PSMA1: variants seen among roughly 807,000 people sequenced by gnomAD.
PSMA1 encodes the protein proteasome subunit alpha type-1.
PSMA1 carries 3 observed loss-of-function variants against 38.4 expected under a neutral mutation model. That is an observed-to-expected ratio of 0.08 (90% CI 0.04 to 0.20). PSMA1 has a LOEUF of 0.20. PSMA1 is among the 10% of genes least tolerant of loss of function. PSMA1 has a pLI of 1.00. For synonymous variants in PSMA1, 101 were observed against 107.1 expected, an observed-to-expected ratio of 0.94 and a Z score of 0.35; for missense variants, 227 against 325.3, an observed-to-expected ratio of 0.70 and a Z score of 2.32.
exon 2 of PSMA1, chr11:14,611,016 A>T: frequency 6.2e-7 from 1 of 1,606,488 alleles, no homozygotes; most frequent in Non-Finnish European, 8.5e-7. Flanking sequence ...CACCTAGTAG[A>T]CCAACATACA....
intron 2 of PSMA1, among the ~76,000 whole-genome samples, chr11:14,578,573 G>A (rs1852247153): frequency 6.6e-6 from 1 of 152,214 alleles, no homozygotes; most frequent in Non-Finnish European, 1.5e-5. Context: ...TCTACTATAA[G>A]AAGAAAGCAG....
chr11:14,505,028 G>A lies in PSMA1; in HGVS notation c.*164C>T, dbSNP rs571607769. On this transcript the variant is annotated 3_prime_UTR_variant, in exon 10 of 10. Transcript: ENST00000396394. Reference sequence around the variant, plus strand: ...AAGAAAAATGTATTCCATTATATAGGTTTCAGTGAGGTTGCTTGGAAAAAA... The same window carrying A: ...AAGAAAAATGTATTCCATTATATAGATTTCAGTGAGGTTGCTTGGAAAAAA... The A allele has an allele frequency of 7.3e-5, 49 of 667,610 alleles. No individual in the cohort carries two copies. In the South Asian group the frequency reaches 7.6e-4, roughly 10 times the overall value. 41.4% of individuals were successfully genotyped at this position (667,610 alleles called of 1,614,324 possible). A position where few individuals can be genotyped will look rare whatever the true frequency, so the allele number is the denominator to read the frequency against.
At chr11:14,524,384 C>T (rs1433217291), upstream of PSMA1, among the ~76,000 whole-genome samples, 2 of 152,102 alleles carry the variant, frequency 1.3e-5, no homozygotes, top group African/African-American at 4.8e-5. Flanking sequence ...TGACGAAGTT[C>T]CACCATTGAT....
At chr11:14,530,274 G>C (rs577256804) in intron 2 of PSMA1, among the ~76,000 whole-genome samples, 29 of 152,232 alleles carry the variant, frequency 1.9e-4, no homozygotes, top group African/African-American at 6.7e-4. Flanking sequence ...CTAAACTCCA[G>C]TCTCTGAATT....
intron 2 of PSMA1, 65 bp downstream of exon 2, chr11:14,518,932 G>C: frequency 7.6e-7 from 1 of 1,308,486 alleles, no homozygotes; most frequent in Admixed American, 2.3e-5. Flanking sequence ...GCTCTCACAA[G>C]TTTCTAAATA....
chr11:14,610,292 T>C (rs528953625), intron 2 of PSMA1, among the ~76,000 whole-genome samples: 2 of 152,304 alleles, frequency 1.3e-5, no homozygotes, highest in African/African-American at 4.8e-5. Flanking sequence ...TATTTTCCCA[T>C]TGAGTCTCAT....
At chr11:14,596,900 T>C (rs1465294702) in intron 2 of PSMA1, among the ~76,000 whole-genome samples, 1 of 152,240 alleles carries the variant, frequency 6.6e-6, no homozygotes, top group Middle Eastern at 3.2e-3. Context: ...ATAGCTCTTA[T>C]TATTTTGAAA....
At chr11:14,590,075 A>C (rs1310998668) in intron 2 of PSMA1, among the ~76,000 whole-genome samples, 1 of 152,238 alleles carries the variant, frequency 6.6e-6, no homozygotes, top group Non-Finnish European at 1.5e-5. Context: ...ACATCATACA[A>C]ATGAAATAAG....
intron 2 of PSMA1, among the ~76,000 whole-genome samples, chr11:14,526,490 G>A (rs764126244): frequency 4.6e-5 from 7 of 152,260 alleles, no homozygotes; most frequent in Middle Eastern, 3.4e-3. Flanking sequence ...AGTGGCTGCC[G>A]CTGCCCTAAT....
chr11:14,642,393 C>G (rs903700604), intron 1 of PSMA1, among the ~76,000 whole-genome samples: 4 of 151,940 alleles, frequency 2.6e-5, no homozygotes, highest in Non-Finnish European at 5.9e-5. Context: ...TCTTTTAGGA[C>G]AAGCATTTGG....
At chr11:14,582,011 T>G (rs1852287056) in intron 2 of PSMA1, among the ~76,000 whole-genome samples, 2 of 152,208 alleles carry the variant, frequency 1.3e-5, no homozygotes, top group Non-Finnish European at 2.9e-5. Flanking sequence ...CTGGATCATG[T>G]GTCTACTGCT....
chr11:14,538,303 C>T (rs1327492762), intron 2 of PSMA1, among the ~76,000 whole-genome samples: 1 of 152,082 alleles, frequency 6.6e-6, no homozygotes, highest in Admixed American at 6.5e-5. Context: ...AATATTGAAT[C>T]CCTGTTTAAA....
At chr11:14,522,266 T>G (rs1851538950), upstream of PSMA1, among the ~76,000 whole-genome samples, 2 of 152,222 alleles carry the variant, frequency 1.3e-5, no homozygotes, top group African/African-American at 4.8e-5. Context: ...AATAATTTGC[T>G]TAATTATTAG....
intron 2 of PSMA1, among the ~76,000 whole-genome samples, chr11:14,570,188 C>T (rs1215288939): frequency 4.6e-5 from 7 of 151,700 alleles, no homozygotes; most frequent in African/African-American, 7.2e-5. Context: ...AAAGGACATC[C>T]GTACCAAAAC....
chr11:14,513,532 C>T, intron 7 of PSMA1, 38 bp downstream of exon 7: 1 of 1,153,452 alleles, frequency 8.7e-7, no homozygotes, highest in East Asian at 3.4e-5. Flanking sequence ...CTGGAAAAGG[C>T]AAAAAAAAAA....
intron 1 of PSMA1, among the ~76,000 whole-genome samples, chr11:14,642,679 C>T (rs1044788199): frequency 6.6e-6 from 1 of 152,120 alleles, no homozygotes; most frequent in Non-Finnish European, 1.5e-5. Flanking sequence ...GAGGTTGAAG[C>T]GAGAGCTTAG....
chr11:14,514,593 G>A, intron 4 of PSMA1, 102 bp from the exon 5 acceptor site: 1 of 885,132 alleles, frequency 1.1e-6, no homozygotes, highest in Non-Finnish European at 1.6e-6. Flanking sequence ...CGTTTACATG[G>A]ATAACATCCA....
intron 2 of PSMA1, among the ~76,000 whole-genome samples, chr11:14,587,832 G>A (rs1852366912): frequency 6.6e-6 from 1 of 152,142 alleles, no homozygotes; most frequent in East Asian, 1.9e-4. Context: ...TCAATAAATG[G>A]AAGCTACCAT....
intron 2 of PSMA1, among the ~76,000 whole-genome samples, chr11:14,603,291 A>G (rs1050444781): frequency 2.0e-5 from 3 of 152,192 alleles, no homozygotes; most frequent in African/African-American, 7.2e-5. Context: ...CACTTTGTTA[A>G]GGGGAGAAAT....
Sources: gnomAD v4.1 joint callset for allele counts (sites outside exome capture counted in the v4.1 genomes callset) on GRCh38, gnomAD v4.1.1 for gene constraint, MANE v1.5 for transcripts, NCBI Gene and HGNC (gene_info 2026-07-23, HGNC 2026-07-21) for gene names.